The following SHMT2 variants were observed in gnomAD, a reference collection of about 807,000 sequenced individuals.
SHMT2 encodes the protein serine hydroxymethyltransferase, mitochondrial.
SHMT2 carries 38 observed loss-of-function variants against 59.6 expected under a neutral mutation model. The ratio of observed to expected loss-of-function variants is 0.64; its 90% confidence interval spans 0.49 to 0.84. SHMT2 has a LOEUF of 0.84. Among genes scored for constraint, SHMT2 ranks in the 40% least tolerant of loss-of-function variants. The pLI is 0.00. For missense variants in SHMT2, 533 were observed against 659.5 expected, an observed-to-expected ratio of 0.81 and a Z score of 2.10; for synonymous variants, 254 against 258.1, an observed-to-expected ratio of 0.98 and a Z score of 0.15.
Position 57,232,256 on chromosome 12 carries a change from G to A in SHMT2, c.558G>A (p.Thr186=), listed in dbSNP as rs759931798. Residue 186 remains threonine (T), a synonymous_variant, in exon 5 of 12, where the codon ACG becomes ACA. Coordinates refer to ENST00000328923, the MANE Select transcript of SHMT2 (RefSeq NM_005412.6). Reference sequence around the variant, plus strand: ...CTGACGTCAAGCGGATATCAGCCACGTCCATCTTCTTCGAGTCTATGCCCT... The same window carrying A: ...CTGACGTCAAGCGGATATCAGCCACATCCATCTTCTTCGAGTCTATGCCCT... ...YMSDVKRISA[T]SIFFESMPYK... 100 of 1,614,056 alleles carry A rather than the reference G, an allele frequency of 6.2e-5. No individual in the cohort carries two copies. Among genetic ancestry groups the A allele is most frequent in the Non-Finnish European group, 7.6e-5 (90 of 1,180,028 alleles).
chr12:57,232,185 C>G lies in SHMT2; in HGVS notation c.513-26C>G, dbSNP rs372256099. The G allele has an allele frequency of 3.1e-6, 5 of 1,607,274 alleles. No individual in the cohort carries two copies. In the East Asian group the frequency reaches 6.7e-5, roughly 22 times the overall value. On this transcript the variant is annotated intron_variant, in intron 4 of 11. Coordinates refer to ENST00000328923, the MANE Select transcript of SHMT2 (RefSeq NM_005412.6). ...AAGTCCGGGGGTCCTTCCACCCAGG[C>G]CTTCTTACTTCCTCTCACTTCGCAG...
chr12:57,233,066 T>G, intron 7 of SHMT2, 114 bp from the exon 8 acceptor site: 1 of 1,323,058 alleles, frequency 7.6e-7, no homozygotes, highest in Non-Finnish European at 1.0e-6. Flanking sequence ...GAATCCAGTG[T>G]ACCAAGCCCA....
chr12:57,233,560 C>T lies in SHMT2; in HGVS notation c.1024-3C>T. ...GTGACAGCTGCTACTGTCTCATCTC[C>T]AGGCCTGCACCCCCATGTTCCGGGA... On this transcript the variant is annotated splice_region_variant and splice_polypyrimidine_tract_variant and intron_variant, in intron 8 of 11. Transcript: ENST00000328923. 1.2e-6 allele frequency: 2 copies of T among 1,612,198 alleles called. No individual in the cohort carries two copies. The highest frequency in any genetic ancestry group is 1.7e-6 in the Non-Finnish European group (2 of 1,178,882).
At chr12:57,230,416 C>T in intron 1 of SHMT2, 1 of 1,152,468 alleles carries the variant, frequency 8.7e-7, no homozygotes, top group South Asian at 1.9e-5. Context: ...CCCCCGCTGA[C>T]TGGGGTATCA....
chr12:57,232,938 C>T (rs2037388118), intron 7 of SHMT2, 95 bp downstream of exon 7: 1 of 1,505,234 alleles, frequency 6.6e-7, no homozygotes, highest in African/African-American at 1.4e-5. Flanking sequence ...TCATTCCCAC[C>T]TGCAGCCCTT....
chr12:57,229,948 A>G (rs2037244672), intron 1 of SHMT2, 137 bp downstream of exon 1: 1 of 1,482,154 alleles, frequency 6.7e-7, no homozygotes, highest in Non-Finnish European at 9.0e-7. Context: ...CGGACGTGTA[A>G]CTGGGGAATC....
chr12:57,234,629 T>G lies in SHMT2; in HGVS notation c.*268T>G. 3.6e-6 allele frequency: 1 copy of G among 280,326 alleles called. No individual in the cohort carries two copies. Among genetic ancestry groups the G allele is most frequent in the Non-Finnish European group, 6.6e-6 (1 of 150,858 alleles). The allele number at this position is 280,326 out of a possible 1,614,324, so 17.4% of individuals were successfully genotyped here. A position where few individuals can be genotyped will look rare whatever the true frequency, so the allele number is the denominator to read the frequency against. On this transcript the variant is annotated 3_prime_UTR_variant, in exon 12 of 12. Coordinates refer to ENST00000328923, the MANE Select transcript of SHMT2 (RefSeq NM_005412.6). ...TCACAGTGTCAGAGACGCGTCCTCT[T>G]TCTTGGGGAAGTTGAGGAGTGCCCT...
rs1565774333 is a variant in SHMT2, at chr12:57,234,414, C to G, written c.*53C>G. On this transcript the variant is annotated 3_prime_UTR_variant, in exon 12 of 12. Coordinates refer to ENST00000328923, the MANE Select transcript of SHMT2 (RefSeq NM_005412.6). ...CTCAAAGTTACTCTCCTTCCCCCTACCTGGGCCAGTGAAATAGAAAGCCTT... is the reference window on the plus strand; with the variant it reads ...CTCAAAGTTACTCTCCTTCCCCCTAGCTGGGCCAGTGAAATAGAAAGCCTT... 9 of 1,512,566 alleles carry G rather than the reference C, an allele frequency of 6.0e-6. No homozygotes were observed. The East Asian group carries it at 1.8e-4, about 31-fold the overall frequency. 93.7% of individuals were successfully genotyped at this position (1,512,566 alleles called of 1,614,324 possible).
At position 57,232,574 on chromosome 12, in the gene SHMT2, A is replaced by T; in HGVS notation, c.716A>T (p.Glu239Val). 6.2e-7 allele frequency: 1 copy of T among 1,613,450 alleles called. No individual in the cohort carries two copies. Among genetic ancestry groups the T allele is most frequent in the Non-Finnish European group, 8.5e-7 (1 of 1,179,796 alleles). Residue 239 changes from glutamate to valine, a missense_variant and splice_region_variant, in exon 6 of 12, where the codon GAG becomes GTG. Glu to Val is a moderately radical substitution (Grantham distance 121). Transcript: ENST00000328923. ...ARLIDYARMR[E>V]VCDEVKAHLL... is the part of the protein sequence containing the mutation. ...CTCATTGACTACGCCCGCATGAGAGAGGTTGGTGGGGGGGGCTGGAGACTG... is the reference window on the plus strand; with the variant it reads ...CTCATTGACTACGCCCGCATGAGAGTGGTTGGTGGGGGGGGCTGGAGACTG...
At position 57,231,511 on chromosome 12, in the gene SHMT2, C is replaced by G. The variant is rs1168068668; in HGVS notation, c.262C>G (p.Leu88Val). The G allele has an allele frequency of 6.2e-7, 1 of 1,614,228 alleles. No homozygotes were observed. The highest frequency in any genetic ancestry group is 1.1e-5 in the South Asian group (1 of 91,086). Residue 88 changes from leucine (L) to valine (V), a missense_variant, in exon 3 of 12, where the codon CTG becomes GTG. Coordinates refer to ENST00000328923, the MANE Select transcript of SHMT2 (RefSeq NM_005412.6). ...CTGCAGCCGAGCTGCGCTGGAGGCC[C>G]TGGGGTCCTGTCTGAACAACAAGTA... is the stretch of plus-strand genomic sequence containing the variant. ...NFCSRAALEA[L>V]GSCLNNKYSE...
Position 57,232,758 on chromosome 12 carries a change from C to T in SHMT2, c.772C>T (p.Leu258=), listed in dbSNP as rs1354739440. 1.2e-6 allele frequency: 2 copies of T among 1,613,502 alleles called. No homozygotes were observed. The highest frequency in any genetic ancestry group is 2.2e-5 in the East Asian group (1 of 44,872). ...GGCAGACATGGCCCACATCAGTGGC[C>T]TGGTGGCTGCCAAGGTGATTCCCTC... ...LLADMAHISG[L]VAAKVIPSPF... Residue 258 remains leucine (L), a synonymous_variant, in exon 7 of 12, where the codon CTG becomes TTG. Transcript: ENST00000328923.
rs201278884 is a variant in SHMT2 at position 57,233,681 on chromosome 12, G to A, written c.1123+19G>A. 5.6e-6 allele frequency: 9 copies of A among 1,613,380 alleles called. No homozygotes were observed. The African/African-American group carries it at 1.2e-4, about 21-fold the overall frequency. On this transcript the variant is annotated intron_variant, in intron 9 of 11. Transcript: ENST00000328923. ...GTATCAGGTAAGCCAGCAGGTGATG[G>A]GTGAGGGCCTCTGTAGCTTCAGGCA...
rs554647678 is a variant in SHMT2 at position 57,234,570 on chromosome 12, G to A, written c.*209G>A. On this transcript the variant is annotated 3_prime_UTR_variant, in exon 12 of 12. Coordinates refer to ENST00000328923, the MANE Select transcript of SHMT2 (RefSeq NM_005412.6). ...TTTGGTAACAAGACTTAGAAGGAGGGCCCAGGCACTTTCTGTTTGAACCCC... is the reference window on the plus strand; with the variant it reads ...TTTGGTAACAAGACTTAGAAGGAGGACCCAGGCACTTTCTGTTTGAACCCC... 6.3e-4 allele frequency: 296 copies of A among 467,804 alleles called. 1 individual carries two copies. The highest frequency in any genetic ancestry group is 1.6e-3 in the South Asian group (34 of 20,746). 29.0% of individuals were successfully genotyped at this position (467,804 alleles called of 1,614,324 possible).
In SHMT2 at chr12:57,232,784, G is replaced by T; in HGVS notation, c.798G>T (p.Ser266=). The T allele has an allele frequency of 1.9e-6, 3 of 1,613,508 alleles. No homozygotes were observed. The highest frequency in any genetic ancestry group is 2.5e-6 in the Non-Finnish European group (3 of 1,179,522). The part of the protein sequence containing the change: ...SGLVAAKVIP[S]PFKHADIVTT... ...TGGTGGCTGCCAAGGTGATTCCCTC[G>T]CCTTTCAAGCACGCGGACATCGTCA... The change falls in exon 7 of 12, where the codon TCG becomes TCT. Residue 266 remains serine, a synonymous_variant. Coordinates refer to ENST00000328923, the MANE Select transcript of SHMT2 (RefSeq NM_005412.6).
At position 57,232,286 on chromosome 12, in the gene SHMT2, G is replaced by A; in HGVS notation, c.588G>A (p.Lys196=). The A allele has an allele frequency of 6.2e-7, 1 of 1,614,020 alleles. No homozygotes were observed. Among genetic ancestry groups the A allele is most frequent in the South Asian group, 1.1e-5 (1 of 91,078 alleles). Residue 196 remains lysine (K), a synonymous_variant, in exon 5 of 12, where the codon AAG becomes AAA. Transcript: ENST00000328923. ...TCTTCTTCGAGTCTATGCCCTATAA[G>A]CTCAACGTGAGTGCTCTAGGGTGTG... ...TSIFFESMPY[K]LNPKTGLIDY...
rs2037361259 is a variant in SHMT2 at position 57,232,433 on chromosome 12, C to T, written c.595-20C>T. 4 of 1,614,166 alleles carry T rather than the reference C, an allele frequency of 2.5e-6. No homozygotes were observed. The highest frequency in any genetic ancestry group is 3.4e-6 in the Non-Finnish European group (4 of 1,180,018). ...CCCTGCTTCCTTCTCAGGGCTTTAGCTGTTTGTGTGTCTGTCCAGCCCAAA... is the reference window on the plus strand; with the variant it reads ...CCCTGCTTCCTTCTCAGGGCTTTAGTTGTTTGTGTGTCTGTCCAGCCCAAA... On this transcript the variant is annotated intron_variant, in intron 5 of 11. Coordinates refer to ENST00000328923, the MANE Select transcript of SHMT2 (RefSeq NM_005412.6).
At chr12:57,230,731 C>T (rs1158633649) in intron 1 of SHMT2, 72 bp from the exon 2 acceptor site, 3 of 1,561,706 alleles carry the variant, frequency 1.9e-6, no homozygotes, top group Non-Finnish European at 2.6e-6. Flanking sequence ...GCCTTAGAAG[C>T]ATGAGTGAGG....
Position 57,234,484 on chromosome 12 carries a change from A to G in SHMT2, c.*123A>G. 9.8e-7 allele frequency: 1 copy of G among 1,021,022 alleles called. No homozygotes were observed. The highest frequency in any genetic ancestry group is 1.4e-6 in the Non-Finnish European group (1 of 728,774). The allele number at this position is 1,021,022 out of a possible 1,614,324, so 63.2% of individuals were successfully genotyped here. On this transcript the variant is annotated 3_prime_UTR_variant, in exon 12 of 12. Transcript: ENST00000328923. ...GGGAAGACCTCTCACTTAGGGCAAG[A>G]GCCAGGTATAGTCTCCCTTCCCAGA... is the stretch of plus-strand genomic sequence containing the variant.
Position 57,232,730 on chromosome 12 carries a change from G to A in SHMT2, c.744G>A (p.Leu248=). The change falls in exon 7 of 12, where the codon CTG becomes CTA. Residue 248 remains leucine (L), a synonymous_variant. Coordinates refer to ENST00000328923, the MANE Select transcript of SHMT2 (RefSeq NM_005412.6). ...REVCDEVKAH[L]LADMAHISGL... ...TGTGTGATGAAGTCAAAGCACACCT[G>A]CTGGCAGACATGGCCCACATCAGTG... The A allele has an allele frequency of 6.2e-7, 1 of 1,611,202 alleles. No individual in the cohort carries two copies. Among genetic ancestry groups the A allele is most frequent in the East Asian group, 2.2e-5 (1 of 44,764 alleles).
Sources: allele counts gnomAD v4.1 joint callset, GRCh38; gene constraint gnomAD v4.1.1; transcripts MANE v1.5; gene names NCBI Gene and HGNC (gene_info 2026-07-23, HGNC 2026-07-21).